Variants in PGD observed in about 807,000 individuals in gnomAD.
PGD encodes the protein phosphogluconate dehydrogenase, also known as 6-phosphogluconate dehydrogenase, decarboxylating.
PGD carries 21 observed loss-of-function variants against 60.4 expected under a neutral mutation model. The observed-to-expected ratio is 0.35, with a 90% CI of 0.25 to 0.50. PGD has a LOEUF of 0.50. PGD is among the 20% of genes least tolerant of loss of function. The pLI is 0.98. For missense variants in PGD, 477 were observed against 613.1 expected (o/e 0.78, Z 2.34); for synonymous variants, 230 against 235.9 (o/e 0.97, Z 0.23).
Position 10,417,119 on chromosome 1 carries a change from T to C in PGD, c.975+2T>C. ...TCATTCCTGGAGGACATTCGGAAGG[T>C]GGGACACAGTCCCTGGCAGTGGTCT... On this transcript the variant is annotated splice_donor_variant, in intron 9 of 12. Coordinates refer to ENST00000270776, the MANE Select transcript of PGD (RefSeq NM_002631.4). LOFTEE classifies it high-confidence loss of function. 1 of 1,613,830 alleles carries C rather than the reference T, an allele frequency of 6.2e-7. No homozygotes were observed. The highest frequency in any genetic ancestry group is 8.5e-7 in the Non-Finnish European group (1 of 1,179,828).
intron 8 of PGD, among the ~76,000 whole-genome samples, 173 bp downstream of exon 8, chr1:10,413,424 C>A (rs1029240791): frequency 1.3e-5 from 2 of 152,190 alleles, no homozygotes; most frequent in Non-Finnish European, 1.5e-5. Flanking sequence ...GCTGACGCTG[C>A]TTTTGATTCT....
rs906519946 is a variant in PGD at position 10,419,855 on chromosome 1, A to G, written c.*106A>G. 37 of 1,363,816 alleles carry G rather than the reference A, an allele frequency of 2.7e-5. No individual in the cohort carries two copies. The African/African-American group carries it at 4.5e-4, about 16-fold the overall frequency. The allele number at this position is 1,363,816 out of a possible 1,614,324, so 84.5% of individuals were successfully genotyped here. On this transcript the variant is annotated 3_prime_UTR_variant, in exon 13 of 13. Transcript: ENST00000270776. ...GCCCTATTTTCTGTTCAGTTTTTTA[A>G]AAGTGTTGTAAGAGACTCCTGAGGA... is the stretch of plus-strand genomic sequence containing the variant.
chr1:10,416,432 T>C lies in PGD; in HGVS notation c.845-555T>C, dbSNP rs368779837. 5.3e-5 allele frequency among the ~76,000 whole-genome samples: 8 copies of C among 152,372 alleles called. No individual in the cohort carries two copies. In the East Asian group the frequency reaches 1.3e-3, roughly 26 times the overall value. ...GTTCCTTCCGATCCATGTCAACTTT[T>C]GTGGCCTAAGGTTGAAACTTTCAGC... On this transcript the variant is annotated intron_variant, in intron 8 of 12. Transcript: ENST00000270776.
At position 10,402,500 on chromosome 1, in the gene PGD, G is replaced by A. The variant is rs148248176; in HGVS notation, c.265-571G>A. Among the ~76,000 whole-genome samples, 1,301 of 151,380 alleles carry A rather than the reference G, an allele frequency of 8.6e-3. 16 individuals carry two copies. Among genetic ancestry groups the A allele is most frequent in the African/African-American group, 0.029 (1,214 of 41,326 alleles). On this transcript the variant is annotated intron_variant, in intron 3 of 12. Transcript: ENST00000270776. Reference sequence around the variant, plus strand: ...CCAGGAGTTTGAGACCAGCCTGGGCGACATGGTGAGACTCCATCTCAAAAA... The same window carrying A: ...CCAGGAGTTTGAGACCAGCCTGGGCAACATGGTGAGACTCCATCTCAAAAA...
rs766215082 is a variant in PGD, at chr1:10,399,068, C to T, written c.-50C>T. 10 of 1,608,166 alleles carry T rather than the reference C, an allele frequency of 6.2e-6. No homozygotes were observed. The highest frequency in any genetic ancestry group is 5.9e-6 in the Non-Finnish European group (7 of 1,179,420). On this transcript the variant is annotated 5_prime_UTR_variant, in exon 1 of 13. Coordinates refer to ENST00000270776, the MANE Select transcript of PGD (RefSeq NM_002631.4). ...AGGGAGCCGCTGCGGGTCTTTCCCT[C>T]ACTCGTCCTCCGCGCGTCGCCGCTC...
At chr1:10,411,325 C>A in intron 6 of PGD, 93 bp from the exon 7 acceptor site, 2 of 1,444,194 alleles carry the variant, frequency 1.4e-6, no homozygotes, top group East Asian at 4.6e-5. Flanking sequence ...GAGAGGTAGC[C>A]TTGCCAGGGA....
chr1:10,402,035 T>A (rs114968182), intron 3 of PGD, among the ~76,000 whole-genome samples: 27,545 of 150,668 alleles, frequency 0.18, 3,531 homozygotes, highest in African/African-American at 0.36. Flanking sequence ...ATAAATTAAT[T>A]AATTAATTAA....
At chr1:10,419,004 T>G (rs1639644462) in intron 11 of PGD, 79 bp downstream of exon 11, 2 of 878,056 alleles carry the variant, frequency 2.3e-6, no homozygotes, top group African/African-American at 1.7e-5. Flanking sequence ...TTTTGTTTTT[T>G]TTTTTTGGTT....
chr1:10,411,615 C>T (rs1222798568), intron 7 of PGD, 63 bp downstream of exon 7: 5 of 1,593,074 alleles, frequency 3.1e-6, no homozygotes, highest in African/African-American at 2.7e-5. Context: ...CCACAGACAC[C>T]GAATCTTTTC....
chr1:10,411,803 G>T (rs146476711), intron 7 of PGD, among the ~76,000 whole-genome samples: 12 of 152,334 alleles, frequency 7.9e-5, no homozygotes, highest in Admixed American at 2.6e-4. Context: ...GTCAGGCACT[G>T]TGTCACTCCA....
intron 6 of PGD, among the ~76,000 whole-genome samples, chr1:10,409,548 T>C (rs1639462486): frequency 6.6e-6 from 1 of 151,238 alleles, no homozygotes; most frequent in African/African-American, 2.4e-5. Flanking sequence ...CAGTGAGCAG[T>C]GATCATACTA....
At chr1:10,402,902 C>T (rs1438058045) in intron 3 of PGD, among the ~76,000 whole-genome samples, 169 bp from the exon 4 acceptor site, 1 of 152,190 alleles carries the variant, frequency 6.6e-6, no homozygotes, top group Non-Finnish European at 1.5e-5. Flanking sequence ...CACACCACTG[C>T]AGGAGTTCAG....
At chr1:10,417,913 T>C (rs1639624069) in intron 10 of PGD, among the ~76,000 whole-genome samples, 2 of 152,232 alleles carry the variant, frequency 1.3e-5, no homozygotes, top group African/African-American at 4.8e-5. Context: ...GGTTTCACCA[T>C]GTTAGCCAGG....
At chr1:10,399,169 G>T in intron 1 of PGD, 44 bp downstream of exon 1, 2 of 1,603,970 alleles carry the variant, frequency 1.2e-6, no homozygotes, top group Non-Finnish European at 1.7e-6. Flanking sequence ...CTCAGCGGGC[G>T]GGGAACTCTT....
rs769588876 is a variant in PGD at position 10,408,077 on chromosome 1, C to T, written c.456C>T (p.His152=). The T allele has an allele frequency of 8.8e-6, 14 of 1,599,502 alleles. No individual in the cohort carries two copies. Among genetic ancestry groups the T allele is most frequent in the African/African-American group, 1.3e-5 (1 of 74,648 alleles). The change falls in exon 6 of 13, where the codon CAC becomes CAT. Residue 152 remains histidine (H), a synonymous_variant. Coordinates refer to ENST00000270776, the MANE Select transcript of PGD (RefSeq NM_002631.4). ...ACACTGTTTCTTTACACAGGCCCCA[C>T]ATCAAGACCATCTTCCAAGGCATTG... The part of the protein sequence containing the change: ...MPGGNKEAWP[H]IKTIFQGIAA...
chr1:10,408,512 A>G (rs763621988), intron 6 of PGD, among the ~76,000 whole-genome samples: 4 of 152,208 alleles, frequency 2.6e-5, no homozygotes, highest in Non-Finnish European at 4.4e-5. Context: ...AAGGTGGAAG[A>G]TTGAAGGTAC....
intron 5 of PGD, among the ~76,000 whole-genome samples, chr1:10,405,970 C>T (rs1216099908): frequency 6.6e-6 from 1 of 152,154 alleles, no homozygotes; most frequent in Non-Finnish European, 1.5e-5. Flanking sequence ...TCTCTCGCCT[C>T]AGCCTCCCAA....
intron 1 of PGD, 195 bp from the exon 2 acceptor site, chr1:10,399,434 C>T (rs1639271292): frequency 2.1e-6 from 1 of 466,548 alleles, no homozygotes; most frequent in Non-Finnish European, 3.6e-6. Flanking sequence ...GGGAGCCGGG[C>T]GCGAGGGCGG....
intron 8 of PGD, among the ~76,000 whole-genome samples, chr1:10,413,453 C>T (rs1639541152): frequency 6.6e-6 from 1 of 152,188 alleles, no homozygotes; most frequent in African/African-American, 2.4e-5. Context: ...TAGTTCTTAT[C>T]TCATTCGTAC....
Sources: allele counts gnomAD v4.1 joint callset (sites outside exome capture counted in the v4.1 genomes callset), GRCh38; gene constraint gnomAD v4.1.1; transcripts MANE v1.5; gene names NCBI Gene and HGNC (gene_info 2026-07-23, HGNC 2026-07-21).